Variants in ROBO4 observed in about 807,000 individuals in gnomAD.
ROBO4 encodes the protein roundabout homolog 4.
Under a neutral mutation model 103.3 loss-of-function variants are expected in ROBO4, and 80 were observed. The observed-to-expected ratio is 0.77, with a 90% CI of 0.65 to 0.93. The LOEUF (loss-of-function observed/expected upper bound fraction) is 0.93, where lower values mean the gene tolerates loss of function less well. Ranked by LOEUF, ROBO4 falls within the 40% of genes least tolerant of loss-of-function variation. The probability of loss-of-function intolerance (pLI) is 0.00; values close to 1 mark genes in which losing one functional copy is unlikely to be tolerated. For missense variants in ROBO4, 1,333 were observed against 1,305.3 expected (o/e 1.02, Z -0.33); for synonymous variants, 504 against 529.7 (o/e 0.95, Z 0.67).
intron 11 of ROBO4, 28 bp from the exon 12 acceptor site, chr11:124,891,590 T>C: frequency 1.9e-6 from 3 of 1,614,194 alleles, no homozygotes; most frequent in Middle Eastern, 1.6e-4. Context: ...GGAGGAATTA[T>C]GGTGAGCATG....
chr11:124,887,185 A>T lies in ROBO4; in HGVS notation c.2227T>A (p.Ser743Thr), dbSNP rs767210507. ...ATGGGGGCTGCTGGCAGCAGGATGG[A>T]GGAGGGAGCCTGTGGTGCCACCGGA... ...QPPVAPQAPS[S>T]ILLPAAPIPI... The change falls in exon 15 of 18, where the codon TCC (serine) becomes ACC (threonine). Residue 743 changes from serine (S) to threonine (T), a missense_variant. Physicochemically the swap from Ser to Thr is moderately conservative, Grantham distance 58. Coordinates refer to ENST00000306534, the MANE Select transcript of ROBO4 (RefSeq NM_019055.6). 2.3e-5 allele frequency: 37 copies of T among 1,600,352 alleles called. No homozygotes were observed. Among genetic ancestry groups the T allele is most frequent in the Non-Finnish European group, 3.1e-5 (36 of 1,172,110 alleles).
chr11:124,895,132 G>A lies in ROBO4; in HGVS notation c.1098C>T (p.Ser366=). The A allele has an allele frequency of 6.2e-7, 1 of 1,614,186 alleles. No homozygotes were observed. The highest frequency in any genetic ancestry group is 8.5e-7 in the Non-Finnish European group (1 of 1,180,030). Reference sequence around the variant, plus strand: ...GGTTTTCAGCAGGTGGTGGGACCCAGCTCACAAAGACAGTGCCATTGCCAG... The same window carrying A: ...GGTTTTCAGCAGGTGGTGGGACCCAACTCACAAAGACAGTGCCATTGCCAG... ...LKPGNGTVFV[S]WVPPPAENHN... is the part of the protein sequence containing the mutation. The change falls in exon 7 of 18, where the codon AGC becomes AGT. Residue 366 remains serine, a synonymous_variant. Transcript: ENST00000306534.
chr11:124,885,411 G>C (rs578071543), intron 16 of ROBO4, among the ~76,000 whole-genome samples, 164 bp from the exon 17 acceptor site: 5 of 152,158 alleles, frequency 3.3e-5, no homozygotes, highest in Non-Finnish European at 7.4e-5. Flanking sequence ...CCAGGGGCCC[G>C]ATCCATTTGT....
chr11:124,897,231 A>G lies in ROBO4; in HGVS notation c.101T>C (p.Ile34Thr). 1 of 1,463,386 alleles carries G rather than the reference A, an allele frequency of 6.8e-7. No individual in the cohort carries two copies. Among genetic ancestry groups the G allele is most frequent in the Non-Finnish European group, 9.0e-7 (1 of 1,107,616 alleles). 90.7% of individuals were successfully genotyped at this position (1,463,386 alleles called of 1,614,324 possible). A position where few individuals can be genotyped will look rare whatever the true frequency, so the allele number is the denominator to read the frequency against. Residue 34 changes from isoleucine to threonine, a missense_variant, in exon 2 of 18, where the codon ATC (isoleucine) becomes ACC (threonine). Ile to Thr is a moderately conservative substitution (Grantham distance 89). Coordinates refer to ENST00000306534, the MANE Select transcript of ROBO4 (RefSeq NM_019055.6). ...GGMAQDSPPQ[I>T]LVHPQDQLFQ... ...CAGCTGGTCCTGGGGGTGGACTAGG[A>G]TCTGGGGCGGGGAGTCCTGAGCCAT...
chr11:124,896,538 A>AG lies in ROBO4; in HGVS notation c.532dup (p.Leu178ProfsTer24), dbSNP rs1480787829. The AG allele has an allele frequency of 6.8e-6, 11 of 1,614,016 alleles. No homozygotes were observed. The highest frequency in any genetic ancestry group is 9.3e-6 in the Non-Finnish European group (11 of 1,180,018). ...TGTGTGCCTTCCGGGCTGGAGGGCC[A>AG]GGGGTTTCCCATCTTTCCACCATGA... On this transcript the variant is annotated frameshift_variant, in exon 3 of 18. Coordinates refer to ENST00000306534, the MANE Select transcript of ROBO4 (RefSeq NM_019055.6). LOFTEE classifies it high-confidence loss of function.
In ROBO4 at chr11:124,884,804, C is replaced by A. The variant is rs1443315604; in HGVS notation, c.*87G>T. 1.4e-6 allele frequency: 2 copies of A among 1,468,394 alleles called. No individual in the cohort carries two copies. The highest frequency in any genetic ancestry group is 1.9e-6 in the Non-Finnish European group (2 of 1,047,438). 91.0% of individuals were successfully genotyped at this position (1,468,394 alleles called of 1,614,324 possible). On this transcript the variant is annotated 3_prime_UTR_variant, in exon 18 of 18. Coordinates refer to ENST00000306534, the MANE Select transcript of ROBO4 (RefSeq NM_019055.6). The stretch of plus-strand genomic sequence containing the variant: ...GACCCCAGCTGCAGAGAAACACAGG[C>A]CAAGACCCACACACCACAGCCCAGG...
rs368093072 is a variant in ROBO4 at position 124,886,780 on chromosome 11, G to A, written c.2478C>T (p.Thr826=). ...TTGGGACGCTGATGTACCCATAGGT[G>A]GTGGGGGGTGAAGGAGCCCTTGGCA... ...SPMPRAPSPP[T]TYGYISVPTA... is the part of the protein sequence containing the mutation. Residue 826 remains threonine (T), a synonymous_variant, in exon 16 of 18, where the codon ACC becomes ACT. Coordinates refer to ENST00000306534, the MANE Select transcript of ROBO4 (RefSeq NM_019055.6). 3 of 1,545,986 alleles carry A rather than the reference G, an allele frequency of 1.9e-6. No individual in the cohort carries two copies. Among genetic ancestry groups the A allele is most frequent in the Non-Finnish European group, 2.6e-6 (3 of 1,143,988 alleles).
rs563212841 is a variant in ROBO4, at chr11:124,896,061, G to T, written c.679+137C>A. The T allele has an allele frequency of 5.1e-5, 78 of 1,514,798 alleles. No homozygotes were observed. The African/African-American group carries it at 1.0e-3, about 20-fold the overall frequency. 93.8% of individuals were successfully genotyped at this position (1,514,798 alleles called of 1,614,324 possible). On this transcript the variant is annotated intron_variant, in intron 4 of 17. Transcript: ENST00000306534. ...GCATTCCGATTTCTACTCTAGCAGG[G>T]GGGAACCTCCCGCTACGTGAGACCC...
intron 17 of ROBO4, 44 bp downstream of exon 17, chr11:124,884,997 C>G: frequency 1.2e-6 from 2 of 1,613,522 alleles, no homozygotes; most frequent in Non-Finnish European, 1.7e-6. Context: ...CCCAGAGGCC[C>G]TCTGGTCAAG....
intron 1 of ROBO4, 116 bp downstream of exon 1, chr11:124,897,610 C>T (rs894708405): frequency 1.7e-5 from 14 of 828,934 alleles, no homozygotes; most frequent in Admixed American, 7.5e-5. Context: ...TCATCATCCT[C>T]ATCCTCATCT....
rs1292594215 is a variant in ROBO4 at position 124,894,357 on chromosome 11, C to T, written c.1162G>A (p.Gly388Ser). Residue 388 changes from glycine (G) to serine (S), a missense_variant, in exon 8 of 18, where the codon GGC (glycine) becomes AGC (serine). Coordinates refer to ENST00000306534, the MANE Select transcript of ROBO4 (RefSeq NM_019055.6). ...TTGGCTGGTGGCAGTGATGTGTTGC[C>T]CAGGCTCCAGACCTGAGGCACAAGC... ...IIRGYQVWSL[G>S]NTSLPPANWT... The T allele has an allele frequency of 6.2e-7, 1 of 1,612,608 alleles. No homozygotes were observed. Among genetic ancestry groups the T allele is most frequent in the Admixed American group, 1.7e-5 (1 of 59,962 alleles).
In ROBO4 at chr11:124,887,751, T is replaced by A. The variant is rs1946739363; in HGVS notation, c.2038A>T (p.Asn680Tyr). The change falls in exon 13 of 18, where the codon AAC (asparagine) becomes TAC (tyrosine). Residue 680 changes from asparagine (N) to tyrosine (Y), a missense_variant. Asn to Tyr is a moderately radical substitution (Grantham distance 143). Coordinates refer to ENST00000306534, the MANE Select transcript of ROBO4 (RefSeq NM_019055.6). ...ACELGNRGSK[N>Y]LSQSPGAVPQ... ...CTCTCACCTGGGCTTTGGGAAAGGT[T>A]CTTGGAACCTCTATTTCCTAACTCA... The A allele has an allele frequency of 6.2e-7, 1 of 1,613,890 alleles. No homozygotes were observed. The highest frequency in any genetic ancestry group is 8.5e-7 in the Non-Finnish European group (1 of 1,179,958).
In ROBO4 at chr11:124,894,257, G is replaced by A. The variant is rs1044860455; in HGVS notation, c.1262C>T (p.Ala421Val). The change falls in exon 8 of 18, where the codon GCT (alanine) becomes GTT (valine). Residue 421 changes from alanine to valine, a missense_variant. Ala to Val is a moderately conservative substitution (Grantham distance 64). Transcript: ENST00000306534. ...HMPGSYCVQV[A>V]AVTGAGAGEP... ...CCCAGCTCCAGCACCAGTGACTGCA[G>A]CCACTTGCACGCAGTAGGAGCCTGG... is the stretch of plus-strand genomic sequence containing the variant. The A allele has an allele frequency of 9.9e-6, 16 of 1,613,924 alleles. No individual in the cohort carries two copies. The African/African-American group carries it at 1.6e-4, about 16-fold the overall frequency.
rs755088778 is a variant in ROBO4 at position 124,897,148 on chromosome 11, T to G, written c.184A>C (p.Thr62Pro). ...TGCCCATTCAGCAACCAGCGGATGG[T>G]GGGAGGTGGCTGGCCTGAGGCTTGG... ...SCQASGQPPP[T>P]IRWLLNGQPL... Residue 62 changes from threonine (T) to proline (P), a missense_variant, in exon 2 of 18, where the codon ACC (threonine) becomes CCC (proline). Transcript: ENST00000306534. 14 of 1,562,300 alleles carry G rather than the reference T, an allele frequency of 9.0e-6. No individual in the cohort carries two copies. Among genetic ancestry groups the G allele is most frequent in the East Asian group, 4.5e-5 (2 of 44,276 alleles).
At position 124,891,498 on chromosome 11, in the gene ROBO4, G is replaced by A. The variant is rs1272882281; in HGVS notation, c.1749C>T (p.Gly583=). ...PLLPDTSTFY[G]SLIAELPSST... ...TGGAGGGCAGCTCAGCGATGAGGGA[G>A]CCATAAAAAGTGCTGGTGTCTGGAA... Residue 583 remains glycine (G), a synonymous_variant, in exon 12 of 18, where the codon GGC becomes GGT. Coordinates refer to ENST00000306534, the MANE Select transcript of ROBO4 (RefSeq NM_019055.6). 2.5e-6 allele frequency: 4 copies of A among 1,614,154 alleles called. No homozygotes were observed. Among genetic ancestry groups the A allele is most frequent in the Non-Finnish European group, 3.4e-6 (4 of 1,179,998 alleles).
chr11:124,893,655 C>T, intron 10 of ROBO4, 33 bp downstream of exon 10: 3 of 1,607,016 alleles, frequency 1.9e-6, no homozygotes, highest in Non-Finnish European at 2.6e-6. Flanking sequence ...TTGCCACCCT[C>T]CCTTACTTCA....
chr11:124,888,678 T>C lies in ROBO4; in HGVS notation c.1949-838A>G, dbSNP rs576053584. ...GCTGTCATCTGGCCCACATGGGCAG[T>C]GGAGAGACAGGGCTCTGAGTGAACT... On this transcript the variant is annotated intron_variant, in intron 12 of 17. Transcript: ENST00000306534. 4.6e-5 allele frequency among the ~76,000 whole-genome samples: 7 copies of C among 152,300 alleles called. No individual in the cohort carries two copies. In the South Asian group the frequency reaches 1.5e-3, roughly 32 times the overall value.
intron 12 of ROBO4, among the ~76,000 whole-genome samples, chr11:124,888,183 T>C (rs141624664): frequency 4.3e-4 from 65 of 152,328 alleles, no homozygotes; most frequent in African/African-American, 1.4e-3. Flanking sequence ...TTGGCCTTGA[T>C]AGATGCTTTA....
In ROBO4 at chr11:124,884,643, G is replaced by A. The variant is rs1395950421; in HGVS notation, c.*248C>T. The A allele has an allele frequency of 1.7e-6, 1 of 589,230 alleles. No individual in the cohort carries two copies. The highest frequency in any genetic ancestry group is 3.0e-6 in the Non-Finnish European group (1 of 330,952). 36.5% of individuals were successfully genotyped at this position (589,230 alleles called of 1,614,324 possible). On this transcript the variant is annotated 3_prime_UTR_variant, in exon 18 of 18. Coordinates refer to ENST00000306534, the MANE Select transcript of ROBO4 (RefSeq NM_019055.6). ...TGGTGGTGGGAGTGGATGGCACAGA[G>A]GAGAAAGCAGTGGCTAGGAGTCAGG...
Sources: gnomAD v4.1 joint callset for allele counts (sites outside exome capture counted in the v4.1 genomes callset) on GRCh38, gnomAD v4.1.1 for gene constraint, MANE v1.5 for transcripts, NCBI Gene and HGNC (gene_info 2026-07-23, HGNC 2026-07-21) for gene names.